ANKRD30B: variants seen among roughly 807,000 people sequenced by gnomAD.
ANKRD30B encodes ankyrin repeat domain 30B.
A neutral mutation model predicts 202.2 loss-of-function variants in ANKRD30B; 144 were observed. That is an observed-to-expected ratio of 0.71 (90% CI 0.62 to 0.82). The LOEUF is 0.82. Ranked by LOEUF, ANKRD30B falls within the 40% of genes least tolerant of loss-of-function variation. The probability of loss-of-function intolerance (pLI) is 0.00; values close to 1 mark genes in which losing one functional copy is unlikely to be tolerated. For missense variants in ANKRD30B, 1,487 were observed against 1,669.1 expected (o/e 0.89, Z 1.90); for synonymous variants, 508 against 561.3 (o/e 0.91, Z 1.34).
rs1024901319 is a variant in ANKRD30B, at chr18:14,748,695, A to G, written c.221+55A>G. 2.7e-6 allele frequency: 4 copies of G among 1,459,682 alleles called. No homozygotes were observed. In the African/African-American group the frequency reaches 4.3e-5, roughly 16 times the overall value. 90.4% of individuals were successfully genotyped at this position (1,459,682 alleles called of 1,614,324 possible). A position where few individuals can be genotyped will look rare whatever the true frequency, so the allele number is the denominator to read the frequency against. On this transcript the variant is annotated intron_variant, in intron 1 of 43. Transcript: ENST00000690538. ...AGGAGGAGGAGGCGGCTGTGGGAGGATCGCCCCTTCAGAGTGGTGGCTGGG... is the reference window on the plus strand; with the variant it reads ...AGGAGGAGGAGGCGGCTGTGGGAGGGTCGCCCCTTCAGAGTGGTGGCTGGG...
At chr18:14,775,803 T>C (rs1214202562) in intron 9 of ANKRD30B, among the ~76,000 whole-genome samples, 2 of 152,048 alleles carry the variant, frequency 1.3e-5, no homozygotes, top group Non-Finnish European at 1.5e-5. Flanking sequence ...CAGCAATGAG[T>C]GGATGTCAAA....
Position 14,808,807 on chromosome 18 carries a change from G to A in ANKRD30B, c.2386+63G>A, listed in dbSNP as rs1373753467. ...AATATTAAACTATTTGAAATGCCAA[G>A]AGCCTTTTATTCCCAATGTTGTTTT... On this transcript the variant is annotated intron_variant, in intron 26 of 43. Transcript: ENST00000690538. 2.2e-6 allele frequency: 3 copies of A among 1,381,248 alleles called. No individual in the cohort carries two copies. In the African/African-American group the frequency reaches 4.4e-5, roughly 20 times the overall value. The allele number at this position is 1,381,248 out of a possible 1,614,324, so 85.6% of individuals were successfully genotyped here. A position where few individuals can be genotyped will look rare whatever the true frequency, so the allele number is the denominator to read the frequency against.
At chr18:14,765,651 C>T (rs533562274) in intron 7 of ANKRD30B, among the ~76,000 whole-genome samples, 37 of 152,188 alleles carry the variant, frequency 2.4e-4, no homozygotes, top group African/African-American at 8.9e-4. Flanking sequence ...CTGTGATACA[C>T]AGTTTGCTGG....
Position 14,788,315 on chromosome 18 carries a change from C to A in ANKRD30B, c.1734+1215C>A, listed in dbSNP as rs547631406. ...TCATGAACATGATTTGTTTTTCCTG[C>A]TCAGTAACCAAGTTAATGGCCACAT... On this transcript the variant is annotated intron_variant, in intron 15 of 43. Coordinates refer to ENST00000690538, the MANE Select transcript of ANKRD30B (RefSeq NM_001367607.2). Among the ~76,000 whole-genome samples the A allele has an allele frequency of 3.3e-5, 5 of 152,176 alleles. No individual in the cohort carries two copies. In the South Asian group the frequency reaches 1.0e-3, roughly 32 times the overall value.
intron 4 of ANKRD30B, among the ~76,000 whole-genome samples, chr18:14,756,343 A>ATT (rs1472965790): frequency 8.6e-5 from 13 of 151,984 alleles, no homozygotes; most frequent in Non-Finnish European, 1.8e-4. Context: ...ATTTTCTCCC[A>ATT]TTCTGTAGGT....
rs561397551 is a variant in ANKRD30B at position 14,817,357 on chromosome 18, C to T, written c.2641+2646C>T. 2.6e-4 allele frequency among the ~76,000 whole-genome samples: 40 copies of T among 152,300 alleles called. No individual in the cohort carries two copies. In the South Asian group the frequency reaches 7.9e-3, roughly 30 times the overall value. On this transcript the variant is annotated intron_variant, in intron 30 of 43. Coordinates refer to ENST00000690538, the MANE Select transcript of ANKRD30B (RefSeq NM_001367607.2). ...CCTGACTCTAAAAAACTCCAGTGTA[C>T]ACCTTTATAAAAATAAAAGTAATAA...
chr18:14,808,957 A>G (rs1366131701), intron 26 of ANKRD30B, among the ~76,000 whole-genome samples: 2 of 150,844 alleles, frequency 1.3e-5, no homozygotes, highest in Non-Finnish European at 3.0e-5. Context: ...CCTCATGTGG[A>G]TATCTGTCCA....
chr18:14,759,832 A>C (rs1170678054), intron 5 of ANKRD30B, among the ~76,000 whole-genome samples: 1 of 152,262 alleles, frequency 6.6e-6, no homozygotes, highest in Non-Finnish European at 1.5e-5. Context: ...TCTAATAACC[A>C]AAAGTAGGAA....
chr18:14,887,641 C>G, the ANKRD30B span, among the ~76,000 whole-genome samples: 2 of 151,444 alleles, frequency 1.3e-5, no homozygotes, highest in East Asian at 3.9e-4. Flanking sequence ...GTGTCAGTCA[C>G]AAAGGGGAAG....
At chr18:14,873,072 A>G in the ANKRD30B span, among the ~76,000 whole-genome samples, 79,914 of 151,926 alleles carry the variant, frequency 0.53, 21,208 homozygotes, top group African/African-American at 0.55. Flanking sequence ...AAATAGATAC[A>G]TAAATACTTT....
At chr18:14,785,703 A>T (rs1180243004) in intron 14 of ANKRD30B, among the ~76,000 whole-genome samples, 1 of 152,210 alleles carries the variant, frequency 6.6e-6, no homozygotes. Context: ...TTACCAAAGT[A>T]TGATCTGAGT....
chr18:14,855,393 A>G (rs769314889), downstream of ANKRD30B, among the ~76,000 whole-genome samples: 7 of 152,226 alleles, frequency 4.6e-5, no homozygotes, highest in Non-Finnish European at 8.8e-5. Context: ...CATCATCATC[A>G]TGGTCCGTTC....
intron 10 of ANKRD30B, among the ~76,000 whole-genome samples, chr18:14,778,420 G>A (rs1199522884): frequency 3.3e-5 from 5 of 152,160 alleles, no homozygotes; most frequent in African/African-American, 4.8e-5. Context: ...ATTCTTTAGC[G>A]AAAGATAAGG....
At chr18:14,794,477 C>T (rs890144635) in intron 16 of ANKRD30B, among the ~76,000 whole-genome samples, 4 of 151,696 alleles carry the variant, frequency 2.6e-5, no homozygotes, top group Non-Finnish European at 5.9e-5. Flanking sequence ...ACTCTGCTTT[C>T]TTTGCACTTA....
chr18:14,779,249 A>AATGTG lies in ANKRD30B; in HGVS notation c.1421-710_1421-706dup, dbSNP rs60857250. ...ACTCCTTGGACCTTTAATTCCATGAAATGTGGGAAATTTAGGTTACTTACA... is the reference window on the plus strand; with the variant it reads ...ACTCCTTGGACCTTTAATTCCATGAAATGTGATGTGGGAAATTTAGGTTACTTACA... On this transcript the variant is annotated intron_variant, in intron 10 of 43. Transcript: ENST00000690538. Among the ~76,000 whole-genome samples, 330 of 152,258 alleles carry AATGTG rather than the reference A, an allele frequency of 2.2e-3. 3 individuals are homozygous for AATGTG. The highest frequency in any genetic ancestry group is 7.7e-3 in the African/African-American group (320 of 41,550).
chr18:14,768,613 G>A (rs1030655058), intron 7 of ANKRD30B, among the ~76,000 whole-genome samples: 1 of 152,054 alleles, frequency 6.6e-6, no homozygotes, highest in African/African-American at 2.4e-5. Flanking sequence ...CTTATTTTTT[G>A]GTGGACAAAA....
intron 18 of ANKRD30B, among the ~76,000 whole-genome samples, 161 bp from the exon 19 acceptor site, chr18:14,797,500 G>C (rs531417502): frequency 2.0e-5 from 3 of 152,002 alleles, no homozygotes; most frequent in Non-Finnish European, 4.4e-5. Flanking sequence ...CCCTACAGTT[G>C]GCATGTTAAC....
chr18:14,776,249 C>T (rs967891158), intron 9 of ANKRD30B, among the ~76,000 whole-genome samples: 1 of 152,098 alleles, frequency 6.6e-6, no homozygotes, highest in Non-Finnish European at 1.5e-5. Context: ...GGCAGTGAGT[C>T]TGAATATCCA....
chr18:14,789,105 T>C (rs561575862), intron 15 of ANKRD30B, among the ~76,000 whole-genome samples: 102 of 152,278 alleles, frequency 6.7e-4, no homozygotes, highest in Middle Eastern at 3.4e-3. Flanking sequence ...TGTGAGATGG[T>C]ATCTCATTGT....
Sources: gnomAD v4.1 joint callset for allele counts (sites outside exome capture counted in the v4.1 genomes callset) on GRCh38, gnomAD v4.1.1 for gene constraint, MANE v1.5 for transcripts, NCBI Gene and HGNC (gene_info 2026-07-23, HGNC 2026-07-21) for gene names.